ZNF654: variants seen among roughly 807,000 people sequenced by gnomAD.
ZNF654 encodes the protein melanoma-associated antigen.
ZNF654 carries 19 observed loss-of-function variants against 95.3 expected under a neutral mutation model. That is an observed-to-expected ratio of 0.20 (90% CI 0.14 to 0.29). The LOEUF is 0.29. Ranked by LOEUF, ZNF654 falls within the 10% of genes least tolerant of loss-of-function variation. ZNF654 has a pLI of 1.00. For synonymous variants in ZNF654, 413 were observed against 457.9 expected (o/e 0.90, Z 1.25); for missense variants, 1,046 against 1,341.0 (o/e 0.78, Z 3.44).
intron 1 of ZNF654, among the ~76,000 whole-genome samples, chr3:88,072,541 A>G (rs1035870721): frequency 6.6e-6 from 1 of 152,158 alleles, no homozygotes; most frequent in Non-Finnish European, 1.5e-5. Flanking sequence ...TGTCTGCCAG[A>G]AACATGTTTC....
At chr3:88,088,910 T>G (rs1297679973) in intron 2 of ZNF654, among the ~76,000 whole-genome samples, 1 of 151,588 alleles carries the variant, frequency 6.6e-6, no homozygotes, top group Non-Finnish European at 1.5e-5. Context: ...GTAGCTGGGA[T>G]GACAGGCACC....
chr3:88,143,014 CA>C lies in ZNF654; in HGVS notation c.*1367del, dbSNP rs1559741326. The stretch of plus-strand genomic sequence containing the variant: ...AAATCTAAAACAGGGATTAAAATAA[CA>C]AAAAGGCAGTGTTTCAAAACAGATC... On this transcript the variant is annotated 3_prime_UTR_variant, in exon 9 of 9. Transcript: ENST00000636215. 6.6e-6 allele frequency: 1 copy of C among 152,072 alleles called. No individual in the cohort carries two copies. Among genetic ancestry groups the C allele is most frequent in the East Asian group, 1.9e-4 (1 of 5,180 alleles). The allele number at this position is 152,072 out of a possible 1,614,324, so 9.4% of individuals were successfully genotyped here.
intron 2 of ZNF654, among the ~76,000 whole-genome samples, chr3:88,090,553 AATTT>A (rs1381513987): frequency 6.6e-6 from 1 of 152,198 alleles, no homozygotes; most frequent in East Asian, 1.9e-4. Flanking sequence ...TAATAAGGCT[AATTT>A]ATTATTAAAG....
chr3:88,083,290 T>G (rs1188743500), intron 1 of ZNF654, among the ~76,000 whole-genome samples: 3 of 152,254 alleles, frequency 2.0e-5, no homozygotes, highest in Admixed American at 2.0e-4. Flanking sequence ...TAATTTTAAC[T>G]TAATAGTTTT....
chr3:88,089,191 T>TAAA (rs11328694), intron 2 of ZNF654, among the ~76,000 whole-genome samples: 3 of 131,220 alleles, frequency 2.3e-5, no homozygotes, highest in African/African-American at 5.7e-5. Flanking sequence ...GCTTACGTAT[T>TAAA]AAAAAAAAAA....
chr3:88,092,031 G>T (rs1703771593), intron 2 of ZNF654, among the ~76,000 whole-genome samples: 3 of 152,156 alleles, frequency 2.0e-5, no homozygotes, highest in African/African-American at 7.2e-5. Context: ...TAAGGCAAAA[G>T]AAATATGTTA....
At chr3:88,074,678 G>C (rs1707704042) in intron 1 of ZNF654, among the ~76,000 whole-genome samples, 1 of 151,934 alleles carries the variant, frequency 6.6e-6, no homozygotes, top group Non-Finnish European at 1.5e-5. Context: ...AGATCAGTAG[G>C]GCAAACGTTT....
At chr3:88,095,977 A>C (rs1181021916) in intron 2 of ZNF654, 10 of 298,958 alleles carry the variant, frequency 3.3e-5, no homozygotes, top group Non-Finnish European at 6.2e-6. Context: ...CCCGTGTTGC[A>C]CTGTTCTACC....
chr3:88,134,091 A>G (rs1215053285), intron 6 of ZNF654, among the ~76,000 whole-genome samples: 2 of 151,418 alleles, frequency 1.3e-5, no homozygotes, highest in African/African-American at 4.8e-5. Context: ...AGAGTTCTAA[A>G]AGAGTGTGAG....
chr3:88,127,173 A>AG (rs927783290), intron 4 of ZNF654, among the ~76,000 whole-genome samples: 1 of 152,192 alleles, frequency 6.6e-6, no homozygotes, highest in Non-Finnish European at 1.5e-5. Context: ...GGGGAAAAAA[A>AG]CAAGACCTCC....
chr3:88,139,808 T>A lies in ZNF654; in HGVS notation c.2139T>A (p.Asp713Glu). ...ATGAAGAAGGTGATTATGAAGAAGA[T>A]GATTATGACCTGAATCAAGAAACTT... is the stretch of plus-strand genomic sequence containing the variant. ...EEDEEGDYEE[D>E]DYDLNQETSV... The change falls in exon 8 of 9, where the codon GAT (aspartate) becomes GAA (glutamate). Residue 713 changes from aspartate to glutamate, a missense_variant. Coordinates refer to ENST00000636215, the MANE Select transcript of ZNF654 (RefSeq NM_001350134.2). 7 of 1,559,354 alleles carry A rather than the reference T, an allele frequency of 4.5e-6. No individual in the cohort carries two copies. The highest frequency in any genetic ancestry group is 5.2e-6 in the Non-Finnish European group (6 of 1,150,950).
At chr3:88,102,774 C>T (rs560190963) in intron 2 of ZNF654, among the ~76,000 whole-genome samples, 5 of 149,926 alleles carry the variant, frequency 3.3e-5, no homozygotes, top group Non-Finnish European at 5.9e-5. Flanking sequence ...AAAAGACATG[C>T]CTCTTTCTAG....
At chr3:88,103,197 G>C (rs1463532893) in intron 2 of ZNF654, among the ~76,000 whole-genome samples, 3 of 152,012 alleles carry the variant, frequency 2.0e-5, no homozygotes, top group African/African-American at 7.3e-5. Context: ...CCCCTATTAA[G>C]AGATAAAGCA....
At chr3:88,087,147 T>C (rs1225600744) in intron 2 of ZNF654, among the ~76,000 whole-genome samples, 4 of 152,056 alleles carry the variant, frequency 2.6e-5, no homozygotes, top group African/African-American at 9.7e-5. Flanking sequence ...GGTGTGATCT[T>C]GGTTCACCGC....
chr3:88,129,656 A>T, intron 5 of ZNF654, 31 bp from the exon 6 acceptor site: 1 of 1,366,244 alleles, frequency 7.3e-7, no homozygotes, highest in South Asian at 1.8e-5. Flanking sequence ...ATTTTTAATT[A>T]TATGAACTGA....
At chr3:88,128,743 T>C (rs1706270086) in intron 4 of ZNF654, 66 bp from the exon 5 acceptor site, 2 of 1,178,918 alleles carry the variant, frequency 1.7e-6, no homozygotes, top group African/African-American at 1.5e-5. Flanking sequence ...TGGTAAAGTT[T>C]CAAAGAACAA....
intron 1 of ZNF654, among the ~76,000 whole-genome samples, chr3:88,064,322 A>T (rs570061436): frequency 3.3e-5 from 5 of 151,462 alleles, no homozygotes; most frequent in Non-Finnish European, 7.4e-5. Flanking sequence ...TTACTGTCTC[A>T]CTATTGATCT....
intron 1 of ZNF654, among the ~76,000 whole-genome samples, chr3:88,078,931 A>G (rs1707946932): frequency 6.6e-6 from 1 of 152,044 alleles, no homozygotes; most frequent in African/African-American, 2.4e-5. Flanking sequence ...TACAACTTTG[A>G]TGATAAAAAA....
chr3:88,064,122 T>TTTTG (rs1460507274), intron 1 of ZNF654, among the ~76,000 whole-genome samples: 1 of 151,764 alleles, frequency 6.6e-6, no homozygotes, highest in African/African-American at 2.4e-5. Flanking sequence ...TTTTTTTTTT[T>TTTTG]TGCCACAGCT....
Sources: gnomAD v4.1 joint callset for allele counts (sites outside exome capture counted in the v4.1 genomes callset) on GRCh38, gnomAD v4.1.1 for gene constraint, MANE v1.5 for transcripts, NCBI Gene and HGNC (gene_info 2026-07-23, HGNC 2026-07-21) for gene names.